The following MBP variants were observed in gnomAD, a reference collection of about 807,000 sequenced individuals.
The protein encoded by MBP is Golli-MBP.
Under a neutral mutation model 35.8 loss-of-function variants are expected in MBP, and 16 were observed. The observed-to-expected ratio is 0.45, with a 90% confidence interval of 0.30 to 0.68. MBP has a LOEUF of 0.68. Among genes scored for constraint, MBP ranks in the 30% least tolerant of loss-of-function variants. The pLI is 0.08. For missense variants in MBP, 380 were observed against 404.7 expected (o/e 0.94, Z 0.52); for synonymous variants, 143 against 159.6 (o/e 0.90, Z 0.78).
intron 3 of MBP, among the ~76,000 whole-genome samples, chr18:77,023,081 C>A (rs1199923561): frequency 6.6e-6 from 1 of 152,224 alleles, no homozygotes; most frequent in Non-Finnish European, 1.5e-5. Context: ...CAACACCACA[C>A]CCTAATCTTA....
chr18:77,003,995 GA>G (rs58746481), intron 4 of MBP: 129,228 of 151,862 alleles, frequency 0.85, 55,038 homozygotes, highest in African/African-American at 0.86. Context: ...ATGGAAACTG[GA>G]ACCAGCAGCT....
At position 77,044,050 on chromosome 18, in the gene MBP, C is replaced by G. The variant is rs1045865812; in HGVS notation, c.139+22248G>C. Among the ~76,000 whole-genome samples, 1 of 152,090 alleles carries G rather than the reference C, an allele frequency of 6.6e-6. No individual in the cohort carries two copies. The highest frequency in any genetic ancestry group is 1.5e-5 in the Non-Finnish European group (1 of 68,022). ...GCCTCTCTGCCTCCTCCCTGGAGGC[C>G]GTGCAAATCCTGTTCTCCTTCCAGC... is the stretch of plus-strand genomic sequence containing the variant. On this transcript the variant is annotated intron_variant, in intron 3 of 8. Transcript: ENST00000355994. This position sits in a 1 kb window ranked among gnomAD's most constrained non-coding sequence, Gnocchi z 4.4.
At position 76,988,397 on chromosome 18, in the gene MBP, G is replaced by C; in HGVS notation, c.750+98C>G. 6.2e-7 allele frequency: 1 copy of C among 1,613,984 alleles called. No individual in the cohort carries two copies. Among genetic ancestry groups the C allele is most frequent in the Non-Finnish European group, 8.5e-7 (1 of 1,179,892 alleles). ...GAGGTCTCGAGAGGAGAGAAAAGGA[G>C]GCCAGGAAGCAACCGAAACAGAGCA... On this transcript the variant is annotated intron_variant, in intron 7 of 8. Transcript: ENST00000355994. The surrounding 1 kb of genome is among the most constrained non-coding windows in gnomAD (Gnocchi z 5.2).
chr18:77,091,909 A>C (rs1975545348), intron 2 of MBP, among the ~76,000 whole-genome samples: 1 of 152,130 alleles, frequency 6.6e-6, no homozygotes, highest in Non-Finnish European at 1.5e-5. Context: ...CAGAGATATA[A>C]TTTTTCACAA....
In MBP at chr18:77,020,155, G is replaced by A. The variant is rs552246711; in HGVS notation, c.140-2887C>T. ...ATGGAGATGGTGGTACCCAGAGGCC[G>A]GGGGCACCTTGGCTTCCATCCTGAG... On this transcript the variant is annotated intron_variant, in intron 3 of 8. Coordinates refer to ENST00000355994, the MANE Select transcript of MBP (RefSeq NM_001025101.2). This position sits in a 1 kb window ranked among gnomAD's most constrained non-coding sequence, Gnocchi z 4.1. Among the ~76,000 whole-genome samples the A allele has an allele frequency of 1.3e-5, 2 of 152,108 alleles. No individual in the cohort carries two copies. The highest frequency in any genetic ancestry group is 1.9e-4 in the East Asian group (1 of 5,170).
chr18:76,988,655 G>GA lies in MBP; in HGVS notation c.718-129dup. On this transcript the variant is annotated intron_variant, in intron 6 of 8. Coordinates refer to ENST00000355994, the MANE Select transcript of MBP (RefSeq NM_001025101.2). This position sits in a 1 kb window ranked among gnomAD's most constrained non-coding sequence, Gnocchi z 5.2. The stretch of plus-strand genomic sequence containing the variant: ...AAAAACAGGTTCCACCCGGAGCTCC[G>GA]AGGGGGGCCGCAGGCTCAGGGCCAC... 6.7e-7 allele frequency: 1 copy of GA among 1,494,836 alleles called. No homozygotes were observed. The highest frequency in any genetic ancestry group is 8.9e-7 in the Non-Finnish European group (1 of 1,121,366). 92.6% of individuals were successfully genotyped at this position (1,494,836 alleles called of 1,614,324 possible).
At chr18:77,002,942 C>T (rs187453716) in intron 4 of MBP, 60 of 152,164 alleles carry the variant, frequency 3.9e-4, no homozygotes, top group African/African-American at 1.3e-3. Flanking sequence ...TGCTCACAGA[C>T]GAGAAAAATA....
intron 2 of MBP, among the ~76,000 whole-genome samples, chr18:77,088,045 C>T (rs1975334991): frequency 6.6e-6 from 1 of 152,144 alleles, no homozygotes; most frequent in Admixed American, 6.5e-5. Flanking sequence ...CCGGGCCCTC[C>T]AGGCCACACC....
intron 4 of MBP, among the ~76,000 whole-genome samples, chr18:77,007,893 G>A (rs115582883): frequency 0.013 from 1,922 of 152,310 alleles, 37 homozygotes; most frequent in African/African-American, 0.044. Context: ...ATGAAACTGT[G>A]GAGAACAGAA....
chr18:77,064,323 C>T (rs1040925240), intron 3 of MBP, among the ~76,000 whole-genome samples: 3 of 152,230 alleles, frequency 2.0e-5, no homozygotes, highest in Admixed American at 1.3e-4. Flanking sequence ...GCCTTCAACT[C>T]CTTCCTCTTC....
chr18:76,980,561 G>T, intron 8 of MBP, 90 bp from the exon 9 acceptor site: 1 of 959,908 alleles, frequency 1.0e-6, no homozygotes, highest in Non-Finnish European at 1.7e-6. Context: ...GGTGGATGCT[G>T]AGCCATTGGG....
rs184884144 is a variant in MBP, at chr18:77,013,982, G to A, written c.576+2850C>T. 5.5e-4 allele frequency: 543 copies of A among 985,382 alleles called. 1 individual carries two copies. Among genetic ancestry groups the A allele is most frequent in the African/African-American group, 3.9e-3 (226 of 57,334 alleles). 61.0% of individuals were successfully genotyped at this position (985,382 alleles called of 1,614,324 possible). A position where few individuals can be genotyped will look rare whatever the true frequency, so the allele number is the denominator to read the frequency against. On this transcript the variant is annotated intron_variant, in intron 4 of 8. Coordinates refer to ENST00000355994, the MANE Select transcript of MBP (RefSeq NM_001025101.2). The stretch of plus-strand genomic sequence containing the variant: ...AGAGGTCACTTAGAGAGAAGCTGCC[G>A]GGCCAAGCACACGACAATCTTGGCC...
Position 77,036,298 on chromosome 18 carries a change from T to C in MBP, c.140-19030A>G, listed in dbSNP as rs1288527564. On this transcript the variant is annotated intron_variant, in intron 3 of 8. Coordinates refer to ENST00000355994, the MANE Select transcript of MBP (RefSeq NM_001025101.2). ...GAGCTGAGCAAGTGCTGGTCACATT[T>C]TGGAGGACTGAGCTGAGCAAGTGCT... Among the ~76,000 whole-genome samples the C allele has an allele frequency of 3.9e-5, 5 of 127,334 alleles. No homozygotes were observed. The East Asian group carries it at 9.4e-4, about 24-fold the overall frequency. The allele number at this position is 127,334 out of a possible 152,430, so 83.5% of individuals were successfully genotyped here.
At position 77,127,964 on chromosome 18, in the gene MBP, GAA is replaced by G. The variant is rs375248988; in HGVS notation, c.-26+4614_-26+4615del. The G allele has an allele frequency of 1.5e-3, 223 of 152,316 alleles. 2 individuals are homozygous for G. The highest frequency in any genetic ancestry group is 5.1e-3 in the African/African-American group (213 of 41,548). 9.4% of individuals were successfully genotyped at this position (152,316 alleles called of 1,614,324 possible). On this transcript the variant is annotated intron_variant, in intron 1 of 8. Coordinates refer to ENST00000355994, the MANE Select transcript of MBP (RefSeq NM_001025101.2). ...AATGCAAAATGGTGTAGCCATTCTG[GAA>G]AAGAGTTAGCAGTTTCTCATAAAAT...
chr18:77,110,096 C>T (rs2145158673), intron 1 of MBP: 1 of 152,298 alleles, frequency 6.6e-6, no homozygotes, highest in South Asian at 2.1e-4. Context: ...TCCCATTTTA[C>T]AGTTGAGAAA....
In MBP at chr18:76,978,921, T is replaced by C. The variant is rs969204298; in HGVS notation, c.*1506A>G. 1 of 152,212 alleles carries C rather than the reference T, an allele frequency of 6.6e-6. No individual in the cohort carries two copies. Among genetic ancestry groups the C allele is most frequent in the Admixed American group, 6.5e-5 (1 of 15,282 alleles). 9.4% of individuals were successfully genotyped at this position (152,212 alleles called of 1,614,324 possible). A position where few individuals can be genotyped will look rare whatever the true frequency, so the allele number is the denominator to read the frequency against. ...ATCGTCACAGCACGTGCTGTGTGGG[T>C]GCGGCCACGTATGGATCGCAGAGCC... On this transcript the variant is annotated 3_prime_UTR_variant, in exon 9 of 9. Coordinates refer to ENST00000355994, the MANE Select transcript of MBP (RefSeq NM_001025101.2).
At chr18:77,098,223 C>T (rs935399980) in intron 2 of MBP, among the ~76,000 whole-genome samples, 5 of 136,012 alleles carry the variant, frequency 3.7e-5, no homozygotes, top group African/African-American at 1.1e-4. Context: ...ATTAGTAACA[C>T]CAAACAACAC....
intron 2 of MBP, among the ~76,000 whole-genome samples, chr18:77,086,058 C>G (rs1240668166): frequency 6.6e-6 from 1 of 152,204 alleles, no homozygotes; most frequent in Non-Finnish European, 1.5e-5. Flanking sequence ...CTAACTGCAT[C>G]TGCATTCTAG....
chr18:77,025,034 G>A (rs570122289), intron 3 of MBP, among the ~76,000 whole-genome samples: 7 of 152,240 alleles, frequency 4.6e-5, no homozygotes, highest in African/African-American at 7.2e-5. Flanking sequence ...GTGCATTCTC[G>A]TAACTCTCCG....
Sources: allele counts gnomAD v4.1 joint callset (sites outside exome capture counted in the v4.1 genomes callset), GRCh38; gene constraint gnomAD v4.1.1; non-coding constraint Gnocchi (gnomAD v3.1); transcripts MANE v1.5; gene names NCBI Gene and HGNC (gene_info 2026-07-23, HGNC 2026-07-21).